Variants in ZCCHC2 observed in about 807,000 individuals in gnomAD.
The protein encoded by ZCCHC2 is zinc finger CCHC-type containing 2, also known as zinc finger CCHC domain-containing protein 2.
In ZCCHC2, 39 loss-of-function variants were observed where a neutral mutation model predicts 103.6. The observed-to-expected ratio is 0.38, with a 90% CI of 0.29 to 0.49. ZCCHC2 has a LOEUF of 0.49. Among genes scored for constraint, ZCCHC2 ranks in the 20% least tolerant of loss-of-function variants. The probability of loss-of-function intolerance (pLI) is 0.96; values close to 1 mark genes in which losing one functional copy is unlikely to be tolerated. For missense variants in ZCCHC2, 1,483 were observed against 1,491.0 expected, an observed-to-expected ratio of 0.99 and a Z score of 0.09; for synonymous variants, 687 against 608.9, an observed-to-expected ratio of 1.13 and a Z score of -1.89.
At chr18:62,527,427 A>G (rs1380859057) in intron 1 of ZCCHC2, among the ~76,000 whole-genome samples, 1 of 152,226 alleles carries the variant, frequency 6.6e-6, no homozygotes, top group East Asian at 1.9e-4. Context: ...GGTTGCCGGT[A>G]GAATATATAC....
chr18:62,535,738 C>G (rs567858657), intron 1 of ZCCHC2, among the ~76,000 whole-genome samples: 5 of 152,290 alleles, frequency 3.3e-5, no homozygotes, highest in East Asian at 1.9e-4. Flanking sequence ...TAAAGCCAGC[C>G]TAGATCCACT....
chr18:62,527,834 T>G (rs1914502829), intron 1 of ZCCHC2, among the ~76,000 whole-genome samples: 1 of 152,200 alleles, frequency 6.6e-6, no homozygotes. Flanking sequence ...ATAAATTGTG[T>G]GTTAGCAACA....
At chr18:62,553,953 C>T (rs1433617120) in intron 5 of ZCCHC2, among the ~76,000 whole-genome samples, 1 of 152,146 alleles carries the variant, frequency 6.6e-6, no homozygotes, top group Non-Finnish European at 1.5e-5. Flanking sequence ...TTGATCTTTT[C>T]TCTTCTGGTT....
intron 4 of ZCCHC2, among the ~76,000 whole-genome samples, chr18:62,547,325 T>TAAA (rs78827586): frequency 7.9e-5 from 11 of 139,778 alleles, no homozygotes; most frequent in African/African-American, 1.9e-4. Context: ...AACTCCATCT[T>TAAA]AAAAAAAAAA....
chr18:62,534,311 T>TAA (rs11403938), intron 1 of ZCCHC2, among the ~76,000 whole-genome samples: 4,580 of 143,884 alleles, frequency 0.032, 264 homozygotes, highest in African/African-American at 0.11. Context: ...GATCCTGTCT[T>TAA]AAAAAAAAAA....
At chr18:62,535,708 G>A (rs1039924006) in intron 1 of ZCCHC2, among the ~76,000 whole-genome samples, 3 of 152,188 alleles carry the variant, frequency 2.0e-5, no homozygotes, top group African/African-American at 7.2e-5. Flanking sequence ...CTTTAGAAGA[G>A]CATCACCACC....
intron 4 of ZCCHC2, 48 bp from the exon 5 acceptor site, chr18:62,550,300 C>A: frequency 7.4e-7 from 1 of 1,348,242 alleles, no homozygotes; most frequent in Non-Finnish European, 1.0e-6. Flanking sequence ...ACATCTTTAC[C>A]AGTAAGTGAG....
Position 62,523,376 on chromosome 18 carries a change from G to GCGCCCCC in ZCCHC2, c.-48_-47insGCCCCCC. ...GCCTCGGCCCGTGCTCCACCTCGCG[G>GCGCCCCC]CCCCTCCCGCCCGCCCCCGCTCGCA... On this transcript the variant is annotated 5_prime_UTR_variant, in exon 1 of 14. Transcript: ENST00000269499. 55 of 1,012,204 alleles carry GCGCCCCC rather than the reference G, an allele frequency of 5.4e-5. No homozygotes were observed. Among genetic ancestry groups the GCGCCCCC allele is most frequent in the South Asian group, 7.4e-5 (2 of 27,150 alleles). The allele number at this position is 1,012,204 out of a possible 1,614,324, so 62.7% of individuals were successfully genotyped here.
At chr18:62,539,388 T>G in intron 1 of ZCCHC2, 1 of 265,574 alleles carries the variant, frequency 3.8e-6, no homozygotes, top group East Asian at 8.3e-5. Context: ...AAGGGCACCA[T>G]TTGTTATGTG....
Position 62,524,285 on chromosome 18 carries a change from C to G in ZCCHC2, c.861C>G (p.Leu287=). The change falls in exon 1 of 14, where the codon CTC becomes CTG. Residue 287 remains leucine, a synonymous_variant. Transcript: ENST00000269499. ...CCCTGAGGGAACACTTGGAGAGGCTCCGCGCCGCGCTCCGCGGGGGCCCCG... is the reference window on the plus strand; with the variant it reads ...CCCTGAGGGAACACTTGGAGAGGCTGCGCGCCGCGCTCCGCGGGGGCCCCG... The part of the protein sequence containing the change: ...RVTLREHLER[L]RAALRGGPED... 6.5e-7 allele frequency: 1 copy of G among 1,549,000 alleles called. No individual in the cohort carries two copies.
chr18:62,551,180 T>A (rs1232709495), intron 5 of ZCCHC2: 2 of 151,422 alleles, frequency 1.3e-5, no homozygotes, highest in African/African-American at 4.9e-5. Context: ...ATGGGTAGAT[T>A]GAGGGTGTGG....
chr18:62,525,042 T>G lies in ZCCHC2; in HGVS notation c.939+679T>G, dbSNP rs1050307750. 4.0e-5 allele frequency: 6 copies of G among 149,486 alleles called. No homozygotes were observed. The Admixed American group carries it at 4.0e-4, about 10-fold the overall frequency. 9.3% of individuals were successfully genotyped at this position (149,486 alleles called of 1,614,324 possible). Reference sequence around the variant, plus strand: ...ATCTGAGATGAGTAGTAACGCAGGTTGTCCGGGGAGAGAAACCTTTTCTAG... The same window carrying G: ...ATCTGAGATGAGTAGTAACGCAGGTGGTCCGGGGAGAGAAACCTTTTCTAG... On this transcript the variant is annotated intron_variant, in intron 1 of 13. Coordinates refer to ENST00000269499, the MANE Select transcript of ZCCHC2 (RefSeq NM_017742.6).
chr18:62,573,857 G>A (rs570503720), intron 12 of ZCCHC2, among the ~76,000 whole-genome samples, 200 bp from the exon 13 acceptor site: 108 of 152,140 alleles, frequency 7.1e-4, no homozygotes, highest in African/African-American at 2.4e-3. Context: ...TTATATCCCC[G>A]TATTTTAAAA....
At chr18:62,579,700 C>G (rs540991397), downstream of ZCCHC2, among the ~76,000 whole-genome samples, 8 of 152,140 alleles carry the variant, frequency 5.3e-5, no homozygotes, top group East Asian at 1.5e-3. Context: ...CTAAGGTAAC[C>G]ACTGCTTTAG....
chr18:62,583,161 A>G (rs1917080512), downstream of ZCCHC2, among the ~76,000 whole-genome samples: 1 of 152,124 alleles, frequency 6.6e-6, no homozygotes, highest in African/African-American at 2.4e-5. Flanking sequence ...GAGTGATGGC[A>G]GTGATTCTTT....
downstream of ZCCHC2, among the ~76,000 whole-genome samples, chr18:62,582,940 C>CA (rs1917075744): frequency 6.6e-6 from 1 of 152,006 alleles, no homozygotes; most frequent in Admixed American, 6.6e-5. Flanking sequence ...CCCATCTCTA[C>CA]AAAAAATACA....
chr18:62,583,020 C>T (rs1214388973), downstream of ZCCHC2, among the ~76,000 whole-genome samples: 1 of 152,184 alleles, frequency 6.6e-6, no homozygotes, highest in East Asian at 1.9e-4. Flanking sequence ...AGGAAGATCG[C>T]TTGAGCCCAG....
chr18:62,565,719 G>T (rs79591861), intron 11 of ZCCHC2, among the ~76,000 whole-genome samples: 5 of 152,120 alleles, frequency 3.3e-5, no homozygotes, highest in Non-Finnish European at 7.3e-5. Flanking sequence ...ATAAGAGCAC[G>T]CAGACCTCTA....
chr18:62,546,231 G>A (rs533309043), intron 4 of ZCCHC2, among the ~76,000 whole-genome samples: 113 of 152,188 alleles, frequency 7.4e-4, no homozygotes, highest in Admixed American at 2.0e-3. Context: ...CTCAGTCATG[G>A]TAACAGTCGT....
Sources: allele counts gnomAD v4.1 joint callset (sites outside exome capture counted in the v4.1 genomes callset), GRCh38; gene constraint gnomAD v4.1.1; transcripts MANE v1.5; gene names NCBI Gene and HGNC (gene_info 2026-07-23, HGNC 2026-07-21).